CACNA2D3: variants seen among roughly 807,000 people sequenced by gnomAD.
CACNA2D3 encodes the protein calcium voltage-gated channel auxiliary subunit alpha2delta 3.
In CACNA2D3, 60 loss-of-function variants were observed where a neutral mutation model predicts 160.6. The ratio of observed to expected loss-of-function variants is 0.37; its 90% CI spans 0.30 to 0.46. The LOEUF is 0.46. Among genes scored for constraint, CACNA2D3 ranks in the 20% least tolerant of loss-of-function variants. The pLI is 1.00. For missense variants in CACNA2D3, 1,205 were observed against 1,365.0 expected (o/e 0.88, Z 1.85); for synonymous variants, 558 against 492.9 (o/e 1.13, Z -1.75).
At chr3:54,893,213 C>G (rs553705025) in intron 25 of CACNA2D3, among the ~76,000 whole-genome samples, 9 of 152,198 alleles carry the variant, frequency 5.9e-5, no homozygotes, top group South Asian at 2.1e-4. Flanking sequence ...GAGGTGAAGG[C>G]TGTAGTGAGC....
intron 17 of CACNA2D3, among the ~76,000 whole-genome samples, chr3:54,851,581 T>G (rs1266071628): frequency 5.3e-5 from 8 of 152,190 alleles, no homozygotes; most frequent in Non-Finnish European, 1.2e-4. Context: ...ATACCTGGTC[T>G]TTGCAGCCAT....
At chr3:54,178,010 A>C (rs141487012) in intron 2 of CACNA2D3, 41 of 152,240 alleles carry the variant, frequency 2.7e-4, no homozygotes, top group African/African-American at 9.9e-4. Context: ...TCTGACGATC[A>C]TTTTCAAGGC....
At chr3:54,163,886 A>G (rs1382993997) in intron 2 of CACNA2D3, among the ~76,000 whole-genome samples, 2 of 152,162 alleles carry the variant, frequency 1.3e-5, no homozygotes, top group Non-Finnish European at 2.9e-5. Flanking sequence ...TACACAGACC[A>G]CATGGTCTTG....
chr3:54,347,291 C>T (rs2107530036), intron 3 of CACNA2D3, among the ~76,000 whole-genome samples: 1 of 152,258 alleles, frequency 6.6e-6, no homozygotes, highest in South Asian at 2.1e-4. Context: ...CTCCATCTGC[C>T]CAACCGCAAA....
intron 2 of CACNA2D3, among the ~76,000 whole-genome samples, chr3:54,140,241 G>A (rs908359029): frequency 1.3e-5 from 2 of 152,188 alleles, no homozygotes; most frequent in African/African-American, 4.8e-5. Flanking sequence ...ATGATCCCTG[G>A]TCAGAGAAGG....
intron 4 of CACNA2D3, among the ~76,000 whole-genome samples, chr3:54,416,866 T>C (rs1050187544): frequency 1.3e-5 from 2 of 152,162 alleles, no homozygotes; most frequent in African/African-American, 4.8e-5. Flanking sequence ...ATTACACAGA[T>C]CTATGCTTAT....
intron 11 of CACNA2D3, among the ~76,000 whole-genome samples, chr3:54,712,468 A>G (rs1700969180): frequency 6.6e-6 from 1 of 152,014 alleles, no homozygotes; most frequent in Non-Finnish European, 1.5e-5. Flanking sequence ...TGCAATTCTC[A>G]TGATAGTGAA....
intron 11 of CACNA2D3, among the ~76,000 whole-genome samples, chr3:54,658,798 G>T (rs559639271): frequency 6.6e-6 from 1 of 151,844 alleles, no homozygotes; most frequent in East Asian, 1.9e-4. Context: ...CTCACTCCCC[G>T]CTCAGTGCAG....
At chr3:54,871,482 G>A (rs1699533494) in intron 17 of CACNA2D3, 57 bp from the exon 18 acceptor site, 1 of 1,342,746 alleles carries the variant, frequency 7.4e-7, no homozygotes, top group Admixed American at 1.7e-5. Context: ...AGATTGCCCT[G>A]GCTGATGACT....
chr3:54,675,984 T>C (rs1700236712), intron 11 of CACNA2D3, among the ~76,000 whole-genome samples: 1 of 152,204 alleles, frequency 6.6e-6, no homozygotes, highest in African/African-American at 2.4e-5. Context: ...AAAATCCCTT[T>C]GATATTCTGC....
chr3:54,854,576 C>T (rs1002545200), intron 17 of CACNA2D3, among the ~76,000 whole-genome samples: 11 of 151,962 alleles, frequency 7.2e-5, no homozygotes, highest in Non-Finnish European at 1.6e-4. Flanking sequence ...GGGTGCCAGG[C>T]GCCGCAGCAC....
At chr3:55,005,144 C>T (rs928277764) in intron 32 of CACNA2D3, among the ~76,000 whole-genome samples, 6 of 151,932 alleles carry the variant, frequency 3.9e-5, no homozygotes, top group African/African-American at 7.3e-5. Flanking sequence ...GGCGTGGTGG[C>T]GTGTGCCTAT....
intron 27 of CACNA2D3, among the ~76,000 whole-genome samples, chr3:54,943,956 C>T (rs1341645649): frequency 1.3e-5 from 2 of 152,198 alleles, no homozygotes; most frequent in Non-Finnish European, 2.9e-5. Flanking sequence ...TTTCCTCCGA[C>T]CTTGTAGCTC....
intron 2 of CACNA2D3, among the ~76,000 whole-genome samples, chr3:54,246,448 T>G (rs971992060): frequency 1.3e-5 from 2 of 152,198 alleles, no homozygotes; most frequent in African/African-American, 4.8e-5. Context: ...ATCCCAGTAC[T>G]TTGGGAGGCC....
chr3:54,338,644 G>A (rs531298612), intron 3 of CACNA2D3, among the ~76,000 whole-genome samples: 3 of 152,046 alleles, frequency 2.0e-5, no homozygotes, highest in Non-Finnish European at 4.4e-5. Context: ...GTCGCTTATG[G>A]GCCACTTGAT....
At chr3:55,052,395 A>G (rs1329320924) in intron 35 of CACNA2D3, among the ~76,000 whole-genome samples, 1 of 151,464 alleles carries the variant, frequency 6.6e-6, no homozygotes, top group East Asian at 1.9e-4. Flanking sequence ...ATATATATAC[A>G]TATATTCTAT....
chr3:54,964,348 C>A (rs371409018), intron 27 of CACNA2D3, among the ~76,000 whole-genome samples: 1 of 151,940 alleles, frequency 6.6e-6, no homozygotes, highest in Non-Finnish European at 1.5e-5. Flanking sequence ...CTGTGACCTC[C>A]GGGGAAATAT....
intron 2 of CACNA2D3, among the ~76,000 whole-genome samples, chr3:54,254,468 A>C (rs1225630725): frequency 6.6e-6 from 1 of 152,216 alleles, no homozygotes; most frequent in Non-Finnish European, 1.5e-5. Context: ...CACCAAATGC[A>C]ATCTTCCAGT....
chr3:54,911,351 C>CTTTTTTT (rs58289082), intron 27 of CACNA2D3, among the ~76,000 whole-genome samples: 19,906 of 58,280 alleles, frequency 0.34, 4,665 homozygotes, highest in East Asian at 0.62. Flanking sequence ...TCTTTGTCGT[C>CTTTTTTT]TTTTTTTTTT....
Sources: allele counts gnomAD v4.1 joint callset (sites outside exome capture counted in the v4.1 genomes callset), GRCh38; gene constraint gnomAD v4.1.1; transcripts MANE v1.5; gene names NCBI Gene and HGNC (gene_info 2026-07-23, HGNC 2026-07-21).